UBAP2L: variants seen among roughly 807,000 people sequenced by gnomAD.
UBAP2L encodes the protein ubiquitin associated protein 2 like.
Under a neutral mutation model 130.6 loss-of-function variants are expected in UBAP2L, and 12 were observed. That is an observed-to-expected ratio of 0.09 (90% CI 0.06 to 0.15). The LOEUF is 0.15. UBAP2L is among the 10% of genes least tolerant of loss of function. UBAP2L has a pLI of 1.00. For synonymous variants in UBAP2L, 503 were observed against 524.7 expected (o/e 0.96, Z 0.57); for missense variants, 965 against 1,332.5 (o/e 0.72, Z 4.29).
Position 154,268,710 on chromosome 1 carries a change from A to G in UBAP2L, c.2971-47A>G, listed in dbSNP as rs192032245. The G allele has an allele frequency of 3.5e-5, 55 of 1,591,878 alleles. No homozygotes were observed. The African/African-American group carries it at 7.0e-4, about 20-fold the overall frequency. On this transcript the variant is annotated intron_variant, in intron 25 of 26. Transcript: ENST00000428931. ...TGAGCTCAGGAAAAATCCCAAGACT[A>G]GTTTGCTGATCCCTTTTACTCTGTC...
intron 2 of UBAP2L, among the ~76,000 whole-genome samples, chr1:154,225,436 A>G (rs1667588919): frequency 6.6e-6 from 1 of 151,474 alleles, no homozygotes; most frequent in Non-Finnish European, 1.5e-5. Context: ...TATGAGGCTT[A>G]GCACTTTATT....
chr1:154,242,719 G>A (rs1337506190), intron 9 of UBAP2L, among the ~76,000 whole-genome samples: 1 of 152,042 alleles, frequency 6.6e-6, no homozygotes, highest in African/African-American at 2.4e-5. Flanking sequence ...TAGTTAAAAC[G>A]ATCTCCCATA....
Position 154,270,300 on chromosome 1 carries a change from C to T in UBAP2L, c.*5C>T. On this transcript the variant is annotated 3_prime_UTR_variant, in exon 27 of 27. Coordinates refer to ENST00000428931, the MANE Select transcript of UBAP2L (RefSeq NM_014847.4). The stretch of plus-strand genomic sequence containing the variant: ...TACAGCTGGGGGGCCAACTGAGGCC[C>T]TGACCCTCTTCTCCCGGTCCCATCT... The T allele has an allele frequency of 6.2e-7, 1 of 1,613,974 alleles. No individual in the cohort carries two copies. Among genetic ancestry groups the T allele is most frequent in the Non-Finnish European group, 8.5e-7 (1 of 1,179,954 alleles).
intron 25 of UBAP2L, among the ~76,000 whole-genome samples, chr1:154,267,769 A>G (rs1244738413): frequency 6.6e-6 from 1 of 151,482 alleles, no homozygotes; most frequent in Non-Finnish European, 1.5e-5. Flanking sequence ...TGCTGGGATT[A>G]CAGATGTGAG....
At chr1:154,267,880 CTTTTTTTT>C (rs869153080) in intron 25 of UBAP2L, among the ~76,000 whole-genome samples, 3 of 52,082 alleles carry the variant, frequency 5.8e-5, no homozygotes, top group South Asian at 6.8e-4. Flanking sequence ...CTTATTTGGT[CTTTTTTTT>C]TTTTTTTTTT....
chr1:154,256,727 G>A (rs1679802544), intron 18 of UBAP2L, among the ~76,000 whole-genome samples: 1 of 152,162 alleles, frequency 6.6e-6, no homozygotes, highest in Non-Finnish European at 1.5e-5. Flanking sequence ...AGAAAGCTGT[G>A]ATATATTTTT....
intron 24 of UBAP2L, among the ~76,000 whole-genome samples, chr1:154,266,229 G>A (rs914613433): frequency 6.6e-6 from 1 of 152,142 alleles, no homozygotes; most frequent in African/African-American, 2.4e-5. Context: ...GTATGCTAGT[G>A]AGGTTTGGTC....
At chr1:154,229,499 G>C (rs1020035448) in intron 4 of UBAP2L, among the ~76,000 whole-genome samples, 1 of 151,906 alleles carries the variant, frequency 6.6e-6, no homozygotes, top group Non-Finnish European at 1.5e-5. Flanking sequence ...TTTTGAGCCA[G>C]GGTCTTACTC....
intron 23 of UBAP2L, 100 bp downstream of exon 23, chr1:154,261,209 G>T (rs1681421555): frequency 4.5e-6 from 6 of 1,338,892 alleles, no homozygotes; most frequent in Middle Eastern, 2.0e-4. Context: ...AATGGATGAG[G>T]AGGAACAGTT....
At chr1:154,242,935 T>A in intron 9 of UBAP2L, 1 of 193,610 alleles carries the variant, frequency 5.2e-6, no homozygotes, top group Non-Finnish European at 1.1e-5. Context: ...TTCTTTTATT[T>A]TTTTTTTTTT....
intron 14 of UBAP2L, among the ~76,000 whole-genome samples, chr1:154,252,287 T>TC (rs1397289384): frequency 1.4e-5 from 2 of 142,806 alleles, no homozygotes; most frequent in African/African-American, 5.2e-5. Flanking sequence ...GATTTTTTTT[T>TC]TTTTTTTTTT....
At position 154,257,057 on chromosome 1, in the gene UBAP2L, T is replaced by G. The variant is rs1229678233; in HGVS notation, c.2158-6T>G. On this transcript the variant is annotated splice_region_variant and splice_polypyrimidine_tract_variant and intron_variant, in intron 18 of 26. Coordinates refer to ENST00000428931, the MANE Select transcript of UBAP2L (RefSeq NM_014847.4). ...CTTCTCTCTTCCACTGCTCCCCCTT[T>G]TGAAGCACACAAGTGTGGAGAGTGA... is the stretch of plus-strand genomic sequence containing the variant. 6.2e-7 allele frequency: 1 copy of G among 1,611,364 alleles called. No individual in the cohort carries two copies. Among genetic ancestry groups the G allele is most frequent in the Non-Finnish European group, 8.5e-7 (1 of 1,178,906 alleles).
rs1676738044 is a variant in UBAP2L, at chr1:154,249,449, G to GA, written c.1213+15dup. 2 of 1,613,848 alleles carry GA rather than the reference G, an allele frequency of 1.2e-6. No individual in the cohort carries two copies. Among genetic ancestry groups the GA allele is most frequent in the African/African-American group, 2.7e-5 (2 of 74,908 alleles). On this transcript the variant is annotated intron_variant, in intron 12 of 26. Transcript: ENST00000428931. ...ACTGGTGCAGTATGGTGAGAAGATG[G>GA]AAAGTGACTTGAATCTTTAAAGCAT...
chr1:154,232,936 G>A (rs1670336155), intron 4 of UBAP2L, among the ~76,000 whole-genome samples: 1 of 152,114 alleles, frequency 6.6e-6, no homozygotes, highest in Admixed American at 6.5e-5. Context: ...GGCCTGAAAT[G>A]ATCCTCCTGC....
intron 11 of UBAP2L, among the ~76,000 whole-genome samples, chr1:154,248,172 G>A (rs1226744721): frequency 6.6e-6 from 1 of 151,998 alleles, no homozygotes; most frequent in Non-Finnish European, 1.5e-5. Flanking sequence ...TCACCATGTT[G>A]GTCAGGCTGG....
intron 8 of UBAP2L, among the ~76,000 whole-genome samples, chr1:154,240,492 C>G: frequency 6.6e-6 from 1 of 152,108 alleles, no homozygotes; most frequent in East Asian, 1.9e-4. Context: ...GTTTCAAGTT[C>G]TATATGAGTA....
intron 2 of UBAP2L, among the ~76,000 whole-genome samples, chr1:154,226,798 C>G (rs959640280): frequency 2.0e-5 from 3 of 152,158 alleles, no homozygotes; most frequent in Non-Finnish European, 4.4e-5. Flanking sequence ...AACAGTTTCA[C>G]TCAATTTTTT....
chr1:154,262,451 T>G (rs564506749), intron 24 of UBAP2L, among the ~76,000 whole-genome samples: 1 of 152,280 alleles, frequency 6.6e-6, no homozygotes, highest in East Asian at 1.9e-4. Context: ...ATAATATAAT[T>G]GTACCTTTTC....
chr1:154,269,189 C>G (rs1218211806), intron 26 of UBAP2L: 1 of 811,802 alleles, frequency 1.2e-6, no homozygotes, highest in Non-Finnish European at 1.9e-6. Flanking sequence ...CCTTTGGTGC[C>G]CTTCTCCTCC....
Sources: gnomAD v4.1 joint callset for allele counts (sites outside exome capture counted in the v4.1 genomes callset) on GRCh38, gnomAD v4.1.1 for gene constraint, MANE v1.5 for transcripts, NCBI Gene and HGNC (gene_info 2026-07-23, HGNC 2026-07-21) for gene names.